CUBN: variants seen among roughly 807,000 people sequenced by gnomAD.
CUBN encodes cubilin, also known as 460 kDa receptor.
Under a neutral mutation model 405.3 loss-of-function variants are expected in CUBN, and 282 were observed. The ratio of observed to expected loss-of-function variants is 0.70; its 90% CI spans 0.63 to 0.77. The LOEUF (loss-of-function observed/expected upper bound fraction) is 0.77. Among genes scored for constraint, CUBN ranks in the 30% least tolerant of loss-of-function variants. CUBN has a pLI of 0.00. For missense variants in CUBN, 4,514 were observed against 4,475.2 expected (o/e 1.01, Z -0.25); for synonymous variants, 1,684 against 1,617.0 (o/e 1.04, Z -0.99).
chr10:16,914,043 C>T, intron 47 of CUBN, 51 bp from the exon 48 acceptor site: 1 of 1,593,726 alleles, frequency 6.3e-7, no homozygotes, highest in Non-Finnish European at 8.6e-7. Context: ...AAAATGTTTC[C>T]TTCCATCAAG....
chr10:17,043,852 A>G lies in CUBN; in HGVS notation c.3804T>C (p.Arg1268=). 1.9e-6 allele frequency: 3 copies of G among 1,613,498 alleles called. No homozygotes were observed. Among genetic ancestry groups the G allele is most frequent in the Non-Finnish European group, 1.7e-6 (2 of 1,179,608 alleles). The change falls in exon 26 of 67, where the codon CGT becomes CGC. Residue 1268 remains arginine (R), a synonymous_variant. Coordinates refer to ENST00000377833, the MANE Select transcript of CUBN (RefSeq NM_001081.4). Reference sequence around the variant, plus strand: ...TCTGCCGGTATTCAGCCTTGAAGCCACGTCCTTGCTGACCTTCATCTGTCC... The same window carrying G: ...TCTGCCGGTATTCAGCCTTGAAGCCGCGTCCTTGCTGACCTTCATCTGTCC... ...KLRTDEGQQG[R]GFKAEYRQTC...
At chr10:17,124,075 A>G (rs931794114) in intron 4 of CUBN, among the ~76,000 whole-genome samples, 2 of 152,192 alleles carry the variant, frequency 1.3e-5, no homozygotes, top group East Asian at 1.9e-4. Flanking sequence ...TAAAATGGAG[A>G]TTCCGGTTAT....
chr10:17,104,276 T>C (rs1836566616), intron 12 of CUBN, 143 bp downstream of exon 12: 5 of 689,544 alleles, frequency 7.3e-6, no homozygotes, highest in Non-Finnish European at 1.3e-5. Context: ...TTTTATACCA[T>C]TTCTGCAAGG....
chr10:16,924,405 G>A (rs765931706), intron 43 of CUBN, among the ~76,000 whole-genome samples: 3 of 148,280 alleles, frequency 2.0e-5, no homozygotes, highest in Non-Finnish European at 4.5e-5. Context: ...ATTTTTGTGT[G>A]TCAGTTGGTG....
rs562565032 is a variant in CUBN, at chr10:17,016,125, C to T, written c.4168+3708G>A. Among the ~76,000 whole-genome samples, 19 of 152,022 alleles carry T rather than the reference C, an allele frequency of 1.2e-4. No individual in the cohort carries two copies. In the South Asian group the frequency reaches 2.7e-3, roughly 22 times the overall value. On this transcript the variant is annotated intron_variant, in intron 28 of 66. Transcript: ENST00000377833. ...AGGATCAATTGACCCTCGAGTGAGTCAGGTGACAGGGGAGTATATTTTCTT... is the reference window on the plus strand; with the variant it reads ...AGGATCAATTGACCCTCGAGTGAGTTAGGTGACAGGGGAGTATATTTTCTT...
intron 29 of CUBN, among the ~76,000 whole-genome samples, chr10:16,988,831 T>C (rs1033276879): frequency 5.3e-5 from 8 of 152,156 alleles, no homozygotes; most frequent in Non-Finnish European, 1.0e-4. Flanking sequence ...TCCCCTTCCA[T>C]GTGGTCATGG....
chr10:16,973,861 C>T lies in CUBN; in HGVS notation c.4695+8623G>A, dbSNP rs756685514. ...GCTGTGTCACATTCCCTGGTGTATA[C>T]GTAGCACGTTTTCTTCATCCCATCC... is the stretch of plus-strand genomic sequence containing the variant. On this transcript the variant is annotated intron_variant, in intron 31 of 66. Transcript: ENST00000377833. Among the ~76,000 whole-genome samples the T allele has an allele frequency of 1.8e-4, 28 of 152,138 alleles. 1 individual carries two copies. Among genetic ancestry groups the T allele is most frequent in the Admixed American group, 1.3e-3 (20 of 15,278 alleles).
intron 4 of CUBN, among the ~76,000 whole-genome samples, chr10:17,124,751 C>G (rs1299491627): frequency 6.8e-6 from 1 of 147,542 alleles, no homozygotes; most frequent in Non-Finnish European, 1.5e-5. Context: ...TTAGAGGGAA[C>G]ACTTGATTAT....
At chr10:17,088,694 A>G (rs11254363) in intron 14 of CUBN, among the ~76,000 whole-genome samples, 39,963 of 152,142 alleles carry the variant, frequency 0.26, 5,682 homozygotes, top group Middle Eastern at 0.48. Context: ...GAAATTGTAA[A>G]GAATTCCAGA....
Position 16,925,327 on chromosome 10 carries a change from G to C in CUBN, c.6560C>G (p.Ser2187Trp), listed in dbSNP as rs143899993. ...GSHASSTLFTSDNQMFVQFIS... is the reference protein window; with the variant it reads ...GSHASSTLFTWDNQMFVQFIS... Reference sequence around the variant, plus strand: ...AAACTGAACAAACATTTGATTATCCGAGGTGAACAGAGTTGATGAAGCATG... The same window carrying C: ...AAACTGAACAAACATTTGATTATCCCAGGTGAACAGAGTTGATGAAGCATG... Residue 2187 changes from serine (S) to tryptophan (W), a missense_variant, in exon 43 of 67, where the codon TCG becomes TGG. Physicochemically the swap from Ser to Trp is radical, Grantham distance 177. Around this residue, in one of 5 missense-constraint regions of CUBN, gnomAD observed 1,613 missense variants for 1,542.8 expected, o/e 1.05. Coordinates refer to ENST00000377833, the MANE Select transcript of CUBN (RefSeq NM_001081.4). The C allele has an allele frequency of 6.2e-7, 1 of 1,613,690 alleles. No homozygotes were observed. Among genetic ancestry groups the C allele is most frequent in the South Asian group, 1.1e-5 (1 of 91,070 alleles).
intron 27 of CUBN, among the ~76,000 whole-genome samples, chr10:17,040,154 T>G (rs56266057): frequency 0.086 from 13,014 of 152,144 alleles, 753 homozygotes; most frequent in Non-Finnish European, 0.14. Flanking sequence ...ACTGACCACC[T>G]TAAAAACAAC....
chr10:17,076,984 A>G (rs1313012423), intron 17 of CUBN, among the ~76,000 whole-genome samples: 3 of 152,236 alleles, frequency 2.0e-5, no homozygotes. Flanking sequence ...AACCTAGAGA[A>G]AGATGACCAA....
chr10:16,876,547 T>C (rs370801499), intron 57 of CUBN, among the ~76,000 whole-genome samples: 40 of 152,252 alleles, frequency 2.6e-4, no homozygotes, highest in Middle Eastern at 3.4e-3. Flanking sequence ...GCAAAATGAC[T>C]TGGGGAAACA....
rs796091605 is a variant in CUBN, at chr10:16,940,345, T to G, written c.5343-108A>C. 9 of 1,075,004 alleles carry G rather than the reference T, an allele frequency of 8.4e-6. No individual in the cohort carries two copies. The African/African-American group carries it at 1.2e-4, about 15-fold the overall frequency. The allele number at this position is 1,075,004 out of a possible 1,614,324, so 66.6% of individuals were successfully genotyped here. ...CCCGTTCACTTTTTTAAACTTTCTT[T>G]AACTTTGATCACAACATTATTTGGC... On this transcript the variant is annotated intron_variant, in intron 36 of 66. Transcript: ENST00000377833.
chr10:17,008,463 T>TGTGTGCGC, intron 28 of CUBN, among the ~76,000 whole-genome samples: 1 of 145,660 alleles, frequency 6.9e-6, no homozygotes, highest in South Asian at 2.2e-4. Context: ...TGTGTGTGTG[T>TGTGTGCGC]GCGCGCTTAG....
chr10:16,970,258 C>G (rs1409158022), intron 31 of CUBN, among the ~76,000 whole-genome samples: 2 of 152,168 alleles, frequency 1.3e-5, no homozygotes, highest in African/African-American at 4.8e-5. Context: ...GAAGGCTGGG[C>G]TTATCAGATA....
chr10:16,835,530 C>T (rs1347865498), intron 63 of CUBN, among the ~76,000 whole-genome samples: 1 of 151,632 alleles, frequency 6.6e-6, no homozygotes, highest in African/African-American at 2.4e-5. Context: ...CTCTTTTCGA[C>T]AAGGATGCTA....
Position 16,954,345 on chromosome 10 carries a change from C to T in CUBN, c.4855+44G>A. ...TTTCACTGTTGCACCAAACAGAGCA[C>T]TGAAGATTTCTCTTGTGCCTGGGAA... On this transcript the variant is annotated intron_variant, in intron 32 of 66. Transcript: ENST00000377833. 3.1e-6 allele frequency: 5 copies of T among 1,610,848 alleles called. No individual in the cohort carries two copies. In the South Asian group the frequency reaches 5.5e-5, roughly 18 times the overall value.
intron 59 of CUBN, among the ~76,000 whole-genome samples, chr10:16,852,859 A>G (rs1474296306): frequency 2.6e-5 from 4 of 152,226 alleles, no homozygotes; most frequent in Non-Finnish European, 5.9e-5. Flanking sequence ...TTATTTACAC[A>G]GTGTGATAGA....
Sources: gnomAD v4.1 joint callset for allele counts (sites outside exome capture counted in the v4.1 genomes callset) on GRCh38, gnomAD v4.1.1 for gene constraint, gnomAD v4.1.1 regional missense constraint, MANE v1.5 for transcripts, NCBI Gene and HGNC (gene_info 2026-07-23, HGNC 2026-07-21) for gene names.